IPCEF1: variants seen among roughly 807,000 people sequenced by gnomAD.
IPCEF1 encodes the protein interaction protein for cytohesin exchange factors 1, also known as interactor protein for cytohesin exchange factors 1.
Under a neutral mutation model 50.9 loss-of-function variants are expected in IPCEF1, and 31 were observed. The observed-to-expected ratio is 0.61, with a 90% confidence interval of 0.46 to 0.82. IPCEF1 has a LOEUF of 0.82. Ranked by LOEUF, IPCEF1 falls within the 40% of genes least tolerant of loss-of-function variation. The pLI is 0.00. For synonymous variants in IPCEF1, 181 were observed against 192.0 expected, an observed-to-expected ratio of 0.94 and a Z score of 0.47; for missense variants, 458 against 514.0, an observed-to-expected ratio of 0.89 and a Z score of 1.05.
At chr6:154,190,861 C>G (rs1008019044) in intron 10 of IPCEF1, among the ~76,000 whole-genome samples, 3 of 152,112 alleles carry the variant, frequency 2.0e-5, no homozygotes, top group Non-Finnish European at 4.4e-5. Flanking sequence ...TCGAGACCAT[C>G]CTGGCTAACA....
intron 1 of IPCEF1, among the ~76,000 whole-genome samples, chr6:154,309,365 A>T (rs1316541791): frequency 6.6e-6 from 1 of 152,202 alleles, no homozygotes; most frequent in Non-Finnish European, 1.5e-5. Flanking sequence ...CACTACCTGA[A>T]GCACAACAGG....
chr6:154,244,457 A>G (rs1017218053), intron 5 of IPCEF1, among the ~76,000 whole-genome samples: 1 of 152,154 alleles, frequency 6.6e-6, no homozygotes, highest in Non-Finnish European at 1.5e-5. Context: ...TCTCCATTCA[A>G]TGCTGCTAAT....
chr6:154,162,952 G>A (rs35266871), intron 11 of IPCEF1, among the ~76,000 whole-genome samples: 42 of 152,158 alleles, frequency 2.8e-4, no homozygotes, highest in Non-Finnish European at 5.6e-4. Flanking sequence ...GGTTCCTACC[G>A]TAGTCTTCCA....
chr6:154,261,864 C>G (rs909533088), intron 3 of IPCEF1, among the ~76,000 whole-genome samples: 1 of 152,082 alleles, frequency 6.6e-6, no homozygotes, highest in African/African-American at 2.4e-5. Context: ...TACCCCAGCA[C>G]CAAGCAGTTT....
chr6:154,283,357 G>T (rs1782275338), intron 2 of IPCEF1, among the ~76,000 whole-genome samples: 2 of 150,098 alleles, frequency 1.3e-5, no homozygotes, highest in African/African-American at 4.9e-5. Flanking sequence ...AGTACTTTGG[G>T]AGGCCGAGGC....
At chr6:154,292,111 G>T (rs1469878126) in intron 1 of IPCEF1, among the ~76,000 whole-genome samples, 1 of 152,126 alleles carries the variant, frequency 6.6e-6, no homozygotes, top group African/African-American at 2.4e-5. Flanking sequence ...ATTTAATCAG[G>T]GATCACCAAG....
chr6:154,299,079 G>A (rs1169289986), intron 1 of IPCEF1, among the ~76,000 whole-genome samples: 2 of 141,548 alleles, frequency 1.4e-5, no homozygotes, highest in East Asian at 2.0e-4. Flanking sequence ...AAGAGTTTAG[G>A]AAATACTGCT....
Position 154,299,544 on chromosome 6 carries a change from G to A in IPCEF1, c.-61-9788C>T, listed in dbSNP as rs1362646213. 2.8e-5 allele frequency among the ~76,000 whole-genome samples: 4 copies of A among 140,830 alleles called. 1 individual carries two copies. The highest frequency in any genetic ancestry group is 4.0e-4 in the East Asian group (2 of 5,062). 92.4% of individuals were successfully genotyped at this position (140,830 alleles called of 152,430 possible). ...CCTCACTTATAAGTGGGAGCTGAAC[G>A]ATGAGAAAACATGGACACATGAAGG... On this transcript the variant is annotated intron_variant, in intron 1 of 11. Coordinates refer to ENST00000367220, the MANE Select transcript of IPCEF1 (RefSeq NM_001130700.2).
chr6:154,295,289 T>C (rs1344232632), intron 1 of IPCEF1, among the ~76,000 whole-genome samples: 3 of 152,264 alleles, frequency 2.0e-5, no homozygotes, highest in Admixed American at 2.0e-4. Context: ...CATTAAGTAT[T>C]CATTTTCACA....
At position 154,154,838 on chromosome 6, in the gene IPCEF1, G is replaced by T. The variant is rs1006706291; in HGVS notation, c.*4990C>A. On this transcript the variant is annotated 3_prime_UTR_variant, in exon 12 of 12. Transcript: ENST00000367220. ...GTAGCTGACACAGGATGAGAGCACAGTAAAACTTAAGCTAAGATTTCCACA... is the reference window on the plus strand; with the variant it reads ...GTAGCTGACACAGGATGAGAGCACATTAAAACTTAAGCTAAGATTTCCACA... The T allele has an allele frequency of 6.6e-6, 1 of 152,504 alleles. No individual in the cohort carries two copies. The highest frequency in any genetic ancestry group is 1.5e-5 in the Non-Finnish European group (1 of 68,032). 9.4% of individuals were successfully genotyped at this position (152,504 alleles called of 1,614,324 possible).
intron 1 of IPCEF1, among the ~76,000 whole-genome samples, chr6:154,337,102 A>G (rs1165645239): frequency 6.6e-6 from 1 of 152,214 alleles, no homozygotes; most frequent in Non-Finnish European, 1.5e-5. Context: ...AAAATATCAT[A>G]TGTAATCCAT....
At position 154,247,854 on chromosome 6, in the gene IPCEF1, C is replaced by T. The variant is rs150599468; in HGVS notation, c.37-366G>A. Among the ~76,000 whole-genome samples the T allele has an allele frequency of 2.2e-3, 331 of 152,256 alleles. 1 individual carries two copies. The highest frequency in any genetic ancestry group is 7.6e-3 in the African/African-American group (315 of 41,554). ...TTTTGTGAGAGAAGGAAAAATATATCTGCTTCTTTTGCAATTTCTAAATAA... is the reference window on the plus strand; with the variant it reads ...TTTTGTGAGAGAAGGAAAAATATATTTGCTTCTTTTGCAATTTCTAAATAA... On this transcript the variant is annotated intron_variant, in intron 3 of 11. Transcript: ENST00000367220.
At chr6:154,295,869 A>ACACACACACACACGTGCACACG (rs1554302684) in intron 1 of IPCEF1, among the ~76,000 whole-genome samples, 34 of 36,048 alleles carry the variant, frequency 9.4e-4, no homozygotes, top group Admixed American at 9.1e-3. Context: ...GTGCACACGC[A>ACACACACACACACGTGCACACG]CACACACACA....
chr6:154,350,852 C>A (rs1309150055), intron 1 of IPCEF1, among the ~76,000 whole-genome samples: 1 of 152,182 alleles, frequency 6.6e-6, no homozygotes, highest in Non-Finnish European at 1.5e-5. Context: ...TCCTGAGTAG[C>A]TGGGATTACA....
At chr6:154,336,308 A>G (rs1014550227) in intron 1 of IPCEF1, among the ~76,000 whole-genome samples, 6 of 152,258 alleles carry the variant, frequency 3.9e-5, no homozygotes, top group African/African-American at 1.4e-4. Flanking sequence ...AAAATGTGGT[A>G]TATGTACACA....
chr6:154,331,370 GGAAAGAAAGAAA>G (rs1554225596), intron 1 of IPCEF1, among the ~76,000 whole-genome samples: 61 of 111,996 alleles, frequency 5.4e-4, no homozygotes, highest in Middle Eastern at 4.2e-3. Flanking sequence ...AAGAAAGAAA[GGAAAGAAAGAAA>G]GAAAGAAAGA....
At chr6:154,213,709 T>C (rs1264030176) in intron 8 of IPCEF1, among the ~76,000 whole-genome samples, 1 of 152,174 alleles carries the variant, frequency 6.6e-6, no homozygotes, top group Non-Finnish European at 1.5e-5. Context: ...TCATTAAGAA[T>C]TAGACTCCTG....
intron 2 of IPCEF1, among the ~76,000 whole-genome samples, chr6:154,272,654 A>G (rs764432708): frequency 6.6e-6 from 1 of 152,254 alleles, no homozygotes; most frequent in Non-Finnish European, 1.5e-5. Flanking sequence ...TTTCCTTCAC[A>G]TATATTAATA....
chr6:154,334,386 G>T (rs1245673091), intron 1 of IPCEF1, among the ~76,000 whole-genome samples: 2 of 152,180 alleles, frequency 1.3e-5, no homozygotes, highest in Non-Finnish European at 2.9e-5. Context: ...AAGGGTTACA[G>T]TACATGAAGT....
Sources: allele counts gnomAD v4.1 joint callset (sites outside exome capture counted in the v4.1 genomes callset), GRCh38; gene constraint gnomAD v4.1.1; transcripts MANE v1.5; gene names NCBI Gene and HGNC (gene_info 2026-07-23, HGNC 2026-07-21).